The following CBY1 variants were observed in gnomAD, a reference collection of about 807,000 sequenced individuals.
CBY1 encodes protein chibby homolog 1.
Under a neutral mutation model 15.6 loss-of-function variants are expected in CBY1, and 10 were observed. The ratio of observed to expected loss-of-function variants is 0.64; its 90% CI spans 0.40 to 1.09. CBY1 has a LOEUF of 1.09. Ranked by LOEUF, CBY1 falls within the 50% of genes least tolerant of loss-of-function variation. The pLI is 0.01. For synonymous variants in CBY1, 61 were observed against 63.5 expected (o/e 0.96, Z 0.19); for missense variants, 150 against 160.5 (o/e 0.93, Z 0.35).
chr22:38,672,250 A>G (rs2092454518), intron 4 of CBY1, among the ~76,000 whole-genome samples: 2 of 145,648 alleles, frequency 1.4e-5, no homozygotes, highest in Admixed American at 6.8e-5. Context: ...CAACAGAGTG[A>G]GACCCCATCT....
intron 1 of CBY1, among the ~76,000 whole-genome samples, chr22:38,663,714 A>G (rs2092428374): frequency 6.7e-6 from 1 of 148,976 alleles, no homozygotes; most frequent in South Asian, 2.1e-4. Context: ...AAAAAAAAAA[A>G]AGGAAAAAAA....
At chr22:38,672,602 C>T (rs2092456051) in intron 4 of CBY1, among the ~76,000 whole-genome samples, 1 of 152,048 alleles carries the variant, frequency 6.6e-6, no homozygotes, top group Non-Finnish European at 1.5e-5. Flanking sequence ...AGGCATGAGC[C>T]ACCACGCCCG....
At position 38,672,621 on chromosome 22, in the gene CBY1, GT is replaced by G. The variant is rs200268940; in HGVS notation, c.304-529del. 3.6e-4 allele frequency among the ~76,000 whole-genome samples: 55 copies of G among 151,448 alleles called. 1 individual carries two copies. The highest frequency in any genetic ancestry group is 1.3e-3 in the African/African-American group (54 of 41,194). On this transcript the variant is annotated intron_variant, in intron 4 of 4. Transcript: ENST00000216029. ...ATGAGCCACCACGCCCGGCCTGGAT[GT>G]TTTTTTTTAAAAATGAGCATAATCG...
At chr22:38,662,082 G>A (rs1004673316) in intron 1 of CBY1, among the ~76,000 whole-genome samples, 11 of 152,136 alleles carry the variant, frequency 7.2e-5, no homozygotes, top group Admixed American at 6.6e-4. Flanking sequence ...TGGGCCAGTC[G>A]CTTGAGCTCA....
chr22:38,660,689 CCTTGGGAAA>C (rs1267835608), intron 1 of CBY1, among the ~76,000 whole-genome samples: 4 of 151,962 alleles, frequency 2.6e-5, no homozygotes, highest in Non-Finnish European at 4.4e-5. Context: ...TGGCTATGCA[CCTTGGGAAA>C]ATTGGGAAAC....
intron 1 of CBY1, among the ~76,000 whole-genome samples, chr22:38,659,645 A>G (rs562521504): frequency 3.3e-5 from 5 of 152,030 alleles, no homozygotes; most frequent in South Asian, 2.1e-4. Flanking sequence ...GGCAGATCAC[A>G]AGGTCAGGAG....
intron 1 of CBY1, among the ~76,000 whole-genome samples, chr22:38,658,941 A>G (rs2092413717): frequency 6.6e-6 from 1 of 150,864 alleles, no homozygotes; most frequent in East Asian, 2.0e-4. Context: ...TTTTATTTTT[A>G]TTTTTATTTT....
intron 4 of CBY1, 186 bp downstream of exon 4, chr22:38,671,374 C>T (rs1291843199): frequency 1.7e-6 from 1 of 588,180 alleles, no homozygotes; most frequent in East Asian, 2.9e-5. Context: ...GGTGGACCGA[C>T]CGTAAGCATA....
chr22:38,663,814 G>C (rs1325741491), intron 1 of CBY1, among the ~76,000 whole-genome samples: 1 of 151,852 alleles, frequency 6.6e-6, no homozygotes, highest in Non-Finnish European at 1.5e-5. Flanking sequence ...TTGAGGTCAG[G>C]AGTTCGAGAC....
chr22:38,661,276 C>A (rs550094315), intron 1 of CBY1, among the ~76,000 whole-genome samples: 1 of 152,158 alleles, frequency 6.6e-6, no homozygotes, highest in Admixed American at 6.6e-5. Context: ...CAGGTTCAAG[C>A]GTTTCTTGTG....
chr22:38,673,280 C>G lies in CBY1; in HGVS notation c.*44C>G. The G allele has an allele frequency of 7.5e-7, 1 of 1,340,660 alleles. No homozygotes were observed. Among genetic ancestry groups the G allele is most frequent in the Non-Finnish European group, 1.1e-6 (1 of 940,542 alleles). 83.0% of individuals were successfully genotyped at this position (1,340,660 alleles called of 1,614,324 possible). A position where few individuals can be genotyped will look rare whatever the true frequency, so the allele number is the denominator to read the frequency against. ...TTGGGGAGTAGGATGTGGCTGAGTG[C>G]TTTTTTTTTGGCCAGACTAGCGGAT... On this transcript the variant is annotated 3_prime_UTR_variant, in exon 5 of 5. Transcript: ENST00000216029.
chr22:38,671,277 A>G (rs2092451792), intron 4 of CBY1, 89 bp downstream of exon 4: 7 of 999,670 alleles, frequency 7.0e-6, no homozygotes, highest in East Asian at 2.4e-5. Context: ...TATCTCCTCA[A>G]TGCCAGTTTG....
At chr22:38,665,185 G>A (rs1603116579) in intron 1 of CBY1, among the ~76,000 whole-genome samples, 1 of 152,160 alleles carries the variant, frequency 6.6e-6, no homozygotes, top group East Asian at 1.9e-4. Flanking sequence ...GAAACAGGCC[G>A]GGTGTGGTGG....
intron 4 of CBY1, among the ~76,000 whole-genome samples, chr22:38,672,263 GA>G (rs201182061): frequency 0.29 from 41,756 of 142,600 alleles, 5,924 homozygotes; most frequent in East Asian, 0.37. Context: ...CCCCATCTTG[GA>G]AAAAAAAAAA....
chr22:38,670,794 T>C (rs2092450158), intron 2 of CBY1, 90 bp from the exon 3 acceptor site: 2 of 800,408 alleles, frequency 2.5e-6, no homozygotes, highest in South Asian at 2.8e-5. Flanking sequence ...GAGAAATGAG[T>C]TGTTGGGGTC....
At chr22:38,668,324 A>AC (rs2092442985) in intron 2 of CBY1, 192 bp downstream of exon 2, 2 of 529,530 alleles carry the variant, frequency 3.8e-6, no homozygotes, top group South Asian at 5.1e-5. Flanking sequence ...TTATCCAAGA[A>AC]CCTAAGAAGA....
chr22:38,660,765 T>G (rs1387765656), intron 1 of CBY1, among the ~76,000 whole-genome samples: 2 of 146,484 alleles, frequency 1.4e-5, no homozygotes, highest in Non-Finnish European at 3.0e-5. Context: ...GAGACGGAGT[T>G]TCACTCTTGT....
In CBY1 at chr22:38,673,526, T is replaced by G; in HGVS notation, c.*290T>G. On this transcript the variant is annotated 3_prime_UTR_variant, in exon 5 of 5. Coordinates refer to ENST00000216029, the MANE Select transcript of CBY1 (RefSeq NM_015373.4). ...TTTTTGGTGCTCTCCACACACAAGC[T>G]CGCAAACACACATGTCCCAGAATAG... The G allele has an allele frequency of 3.0e-6, 1 of 333,460 alleles. No homozygotes were observed. The highest frequency in any genetic ancestry group is 5.9e-6 in the Non-Finnish European group (1 of 169,426). The allele number at this position is 333,460 out of a possible 1,614,324, so 20.7% of individuals were successfully genotyped here.
intron 1 of CBY1, among the ~76,000 whole-genome samples, chr22:38,658,501 C>T (rs945456940): frequency 2.6e-5 from 4 of 151,100 alleles, no homozygotes; most frequent in East Asian, 1.9e-4. Context: ...GACTCTGTTG[C>T]CCAGGCTGGA....
Sources: allele counts gnomAD v4.1 joint callset (sites outside exome capture counted in the v4.1 genomes callset), GRCh38; gene constraint gnomAD v4.1.1; transcripts MANE v1.5; gene names NCBI Gene and HGNC (gene_info 2026-07-23, HGNC 2026-07-21).